SLC8A3: variants seen among roughly 807,000 people sequenced by gnomAD.
SLC8A3 encodes the protein sodium/calcium exchanger 3.
Under a neutral mutation model 65.4 loss-of-function variants are expected in SLC8A3, and 37 were observed. The ratio of observed to expected loss-of-function variants is 0.57; its 90% CI spans 0.44 to 0.74. The LOEUF is 0.74. Ranked by LOEUF, SLC8A3 falls within the 30% of genes least tolerant of loss-of-function variation. The pLI is 0.00. For missense variants in SLC8A3, 1,112 were observed against 1,172.1 expected (o/e 0.95, Z 0.75); for synonymous variants, 461 against 444.5 (o/e 1.04, Z -0.47).
Position 70,145,996 on chromosome 14 carries a change from G to A in SLC8A3, c.1784+20643C>T, listed in dbSNP as rs1895903050. On this transcript the variant is annotated intron_variant, in intron 2 of 6. Coordinates refer to ENST00000356921, the MANE Select transcript of SLC8A3 (RefSeq NM_182932.3). ...GGGAAGAAGGAAGGAAGGAAGACAG[G>A]CCCAGAAGACAGCATGTCCAAATGA... Among the ~76,000 whole-genome samples the A allele has an allele frequency of 1.3e-5, 2 of 151,966 alleles. 1 individual carries two copies. The highest frequency in any genetic ancestry group is 4.2e-4 in the South Asian group (2 of 4,800).
chr14:70,122,681 C>CAACA (rs759496909), intron 2 of SLC8A3, among the ~76,000 whole-genome samples: 9 of 151,922 alleles, frequency 5.9e-5, no homozygotes, highest in African/African-American at 9.7e-5. Flanking sequence ...CAAACAACAA[C>CAACA]AACAAACAAA....
chr14:70,171,467 AT>A (rs1456344248), intron 1 of SLC8A3, among the ~76,000 whole-genome samples: 1 of 152,192 alleles, frequency 6.6e-6, no homozygotes, highest in Non-Finnish European at 1.5e-5. Context: ...TAAAAAGACT[AT>A]TCCATGAGAA....
chr14:70,097,341 T>G (rs1380875074), intron 2 of SLC8A3, among the ~76,000 whole-genome samples: 1 of 151,426 alleles, frequency 6.6e-6, no homozygotes, highest in Admixed American at 6.6e-5. Flanking sequence ...GCAGCACATC[T>G]GCAGACTGCT....
At chr14:70,129,492 G>A (rs1894684135) in intron 2 of SLC8A3, among the ~76,000 whole-genome samples, 1 of 152,170 alleles carries the variant, frequency 6.6e-6, no homozygotes, top group Non-Finnish European at 1.5e-5. Context: ...TTACATAAGA[G>A]AAAAACAAAG....
At chr14:70,118,997 A>AT (rs1235832733) in intron 2 of SLC8A3, among the ~76,000 whole-genome samples, 3 of 152,160 alleles carry the variant, frequency 2.0e-5, no homozygotes, top group Non-Finnish European at 4.4e-5. Flanking sequence ...ATGCTGGGGA[A>AT]TTCATACACC....
intron 2 of SLC8A3, among the ~76,000 whole-genome samples, chr14:70,104,391 G>A (rs1251498096): frequency 6.6e-6 from 1 of 151,992 alleles, no homozygotes; most frequent in Non-Finnish European, 1.5e-5. Context: ...TGTGGGATTG[G>A]CCATTTCTCT....
At chr14:70,182,194 G>A (rs183508099) in intron 1 of SLC8A3, among the ~76,000 whole-genome samples, 1 of 152,276 alleles carries the variant, frequency 6.6e-6, no homozygotes, top group African/African-American at 2.4e-5. Flanking sequence ...GAGAAAGTGG[G>A]AAGTCAGGAG....
chr14:70,078,330 G>T (rs1289869407), intron 2 of SLC8A3, among the ~76,000 whole-genome samples: 1 of 152,172 alleles, frequency 6.6e-6, no homozygotes, highest in East Asian at 1.9e-4. Flanking sequence ...GAAACAGCTG[G>T]CAGGTAGGTA....
At chr14:70,110,393 T>C (rs1893206859) in intron 2 of SLC8A3, among the ~76,000 whole-genome samples, 1 of 142,958 alleles carries the variant, frequency 7.0e-6, no homozygotes, top group African/African-American at 2.6e-5. Flanking sequence ...TGTCCATAGG[T>C]TCAACTGTTT....
chr14:70,184,250 C>G (rs962139073), intron 1 of SLC8A3, among the ~76,000 whole-genome samples: 1 of 152,136 alleles, frequency 6.6e-6, no homozygotes, highest in African/African-American at 2.4e-5. Flanking sequence ...CCTCTCTCTC[C>G]CACTTTCCAG....
In SLC8A3 at chr14:70,167,140, G is replaced by T; in HGVS notation, c.1283C>A (p.Thr428Asn). The T allele has an allele frequency of 1.9e-6, 3 of 1,614,010 alleles. No homozygotes were observed. The highest frequency in any genetic ancestry group is 2.5e-6 in the Non-Finnish European group (3 of 1,179,936). The part of the protein sequence containing the change: ...VVRKGGDMSK[T>N]MYVDYKTEDG... ...CTCTGTTTTGTAGTCCACATACATG[G>T]TCTTTGACATGTCTCCCCCTTTCCT... Residue 428 changes from threonine to asparagine, a missense_variant, in exon 2 of 7, where the codon ACC (threonine) becomes AAC (asparagine). Coordinates refer to ENST00000356921, the MANE Select transcript of SLC8A3 (RefSeq NM_182932.3).
rs76059365 is a variant in SLC8A3, at chr14:70,130,574, C to A, written c.1784+36065G>T. 4.8e-3 allele frequency among the ~76,000 whole-genome samples: 734 copies of A among 152,310 alleles called. 2 individuals are homozygous for A. Among genetic ancestry groups the A allele is most frequent in the Non-Finnish European group, 8.4e-3 (573 of 68,028 alleles). On this transcript the variant is annotated intron_variant, in intron 2 of 6. Transcript: ENST00000356921. ...CTACCCTTGAGCCTGGCTAATTGAC[C>A]TGCATGTTAAGGCAACTCCACTGGG...
At chr14:70,170,107 A>G (rs1350584124) in intron 1 of SLC8A3, among the ~76,000 whole-genome samples, 2 of 152,150 alleles carry the variant, frequency 1.3e-5, no homozygotes, top group Non-Finnish European at 2.9e-5. Context: ...TTTTTTAAAA[A>G]AACAAACAAA....
At chr14:70,148,723 A>C (rs1263011452) in intron 2 of SLC8A3, among the ~76,000 whole-genome samples, 1 of 152,218 alleles carries the variant, frequency 6.6e-6, no homozygotes, top group African/African-American at 2.4e-5. Context: ...CACAAACAGC[A>C]ATACATACGA....
intron 2 of SLC8A3, among the ~76,000 whole-genome samples, chr14:70,066,231 G>T (rs187668334): frequency 1.8e-4 from 27 of 152,304 alleles, no homozygotes; most frequent in Admixed American, 7.2e-4. Context: ...TTGCCTGGAG[G>T]CTAGAAAAAT....
chr14:70,172,151 T>C lies in SLC8A3; in HGVS notation c.-62-3667A>G, dbSNP rs57109801. On this transcript the variant is annotated intron_variant, in intron 1 of 6. Transcript: ENST00000356921. ...AGATATGACTCAACTTGAGATCTTTTCCCCCACCCAGGACCACCCCAAATC... is the reference window on the plus strand; with the variant it reads ...AGATATGACTCAACTTGAGATCTTTCCCCCCACCCAGGACCACCCCAAATC... Among the ~76,000 whole-genome samples the C allele has an allele frequency of 5.0e-3, 759 of 150,760 alleles. 8 individuals are homozygous for C. The highest frequency in any genetic ancestry group is 0.017 in the African/African-American group (682 of 40,274).
At position 70,188,760 on chromosome 14, in the gene SLC8A3, G is replaced by A. The variant is rs779297436; in HGVS notation, c.-444C>T. The A allele has an allele frequency of 6.6e-6, 1 of 152,148 alleles. No individual in the cohort carries two copies. Among genetic ancestry groups the A allele is most frequent in the African/African-American group, 2.4e-5 (1 of 41,436 alleles). 9.4% of individuals were successfully genotyped at this position (152,148 alleles called of 1,614,324 possible). A position where few individuals can be genotyped will look rare whatever the true frequency, so the allele number is the denominator to read the frequency against. Reference sequence around the variant, plus strand: ...GGAGTCCCGGCCGCGGGCGGCGGGGGATTCCTGCAGGAAGGGGCAGGAAGG... The same window carrying A: ...GGAGTCCCGGCCGCGGGCGGCGGGGAATTCCTGCAGGAAGGGGCAGGAAGG... On this transcript the variant is annotated 5_prime_UTR_variant, in exon 1 of 7. Coordinates refer to ENST00000356921, the MANE Select transcript of SLC8A3 (RefSeq NM_182932.3).
At chr14:70,053,478 T>G (rs1194255037) in intron 3 of SLC8A3, among the ~76,000 whole-genome samples, 1 of 152,254 alleles carries the variant, frequency 6.6e-6, no homozygotes, top group Non-Finnish European at 1.5e-5. Context: ...ACTTGCAGGT[T>G]TAAGCACCAT....
At chr14:70,109,831 C>A (rs907683451) in intron 2 of SLC8A3, among the ~76,000 whole-genome samples, 3 of 152,080 alleles carry the variant, frequency 2.0e-5, no homozygotes, top group African/African-American at 7.2e-5. Flanking sequence ...CTTGTTAAAG[C>A]AGAAATGACC....
Sources: gnomAD v4.1 joint callset for allele counts (sites outside exome capture counted in the v4.1 genomes callset) on GRCh38, gnomAD v4.1.1 for gene constraint, MANE v1.5 for transcripts, NCBI Gene and HGNC (gene_info 2026-07-23, HGNC 2026-07-21) for gene names.